Variants in FANCI observed in about 807,000 individuals in gnomAD.
FANCI encodes the protein Fanconi anemia group I protein.
FANCI carries 156 observed loss-of-function variants against 176.1 expected under a neutral mutation model. The observed-to-expected ratio is 0.89, with a 90% CI of 0.78 to 1.01. The LOEUF (loss-of-function observed/expected upper bound fraction) is 1.01. Among genes scored for constraint, FANCI ranks in the 50% least tolerant of loss-of-function variants. The pLI is 0.00. For synonymous variants in FANCI, 613 were observed against 541.7 expected (o/e 1.13, Z -1.83); for missense variants, 1,678 against 1,534.1 (o/e 1.09, Z -1.57).
chr15:89,253,645 A>G (rs2052363723), intron 2 of FANCI, among the ~76,000 whole-genome samples: 1 of 152,194 alleles, frequency 6.6e-6, no homozygotes, highest in African/African-American at 2.4e-5. Context: ...AGAAAAGATA[A>G]GTTTGTCTAC....
intron 17 of FANCI, among the ~76,000 whole-genome samples, chr15:89,284,121 A>G (rs1287584102): frequency 6.6e-6 from 1 of 152,140 alleles, no homozygotes; most frequent in Non-Finnish European, 1.5e-5. Flanking sequence ...CTTTACATTT[A>G]TTATCTCATT....
intron 11 of FANCI, among the ~76,000 whole-genome samples, 157 bp downstream of exon 11, chr15:89,273,626 C>T (rs1478818968): frequency 2.0e-5 from 3 of 151,968 alleles, no homozygotes; most frequent in Non-Finnish European, 2.9e-5. Flanking sequence ...TGTATGTCCC[C>T]TCTGTTCTCT....
chr15:89,264,310 A>G (rs1860379271), intron 8 of FANCI, among the ~76,000 whole-genome samples: 1 of 152,244 alleles, frequency 6.6e-6, no homozygotes, highest in Non-Finnish European at 1.5e-5. Flanking sequence ...CAGAAAGGGT[A>G]GACTATAGGC....
At chr15:89,274,627 CAG>C (rs1250098252) in intron 12 of FANCI, among the ~76,000 whole-genome samples, 13 of 47,378 alleles carry the variant, frequency 2.7e-4, no homozygotes, top group Non-Finnish European at 4.6e-4. Flanking sequence ...TTTTTTGAGA[CAG>C]AGTCTCACTC....
rs1431506004 is a variant in FANCI, at chr15:89,291,600, T to A, written c.1891-13T>A. The A allele has an allele frequency of 6.2e-7, 1 of 1,607,798 alleles. No homozygotes were observed. Among genetic ancestry groups the A allele is most frequent in the East Asian group, 2.2e-5 (1 of 44,776 alleles). On this transcript the variant is annotated splice_polypyrimidine_tract_variant and intron_variant, in intron 19 of 37. Coordinates refer to ENST00000310775, the MANE Select transcript of FANCI (RefSeq NM_001113378.2). ...TATGAGCCAAGATGTCTTTTTTTTC[T>A]TACTATACACAGTTAAAACAGTTCT...
At chr15:89,304,512 G>A (rs181361815) in intron 28 of FANCI, among the ~76,000 whole-genome samples, 3 of 152,374 alleles carry the variant, frequency 2.0e-5, no homozygotes, top group East Asian at 3.9e-4. Context: ...GGCGGGGCAA[G>A]TTAGGAGGGA....
chr15:89,291,397 G>T (rs1177421260), intron 19 of FANCI, among the ~76,000 whole-genome samples: 1 of 152,162 alleles, frequency 6.6e-6, no homozygotes, highest in Non-Finnish European at 1.5e-5. Context: ...GAAGGAATTG[G>T]AATAGGAAAG....
intron 3 of FANCI, 122 bp from the exon 4 acceptor site, chr15:89,260,591 C>A: frequency 1.6e-6 from 2 of 1,285,050 alleles, no homozygotes; most frequent in East Asian, 2.5e-5. Flanking sequence ...TTCTAAGCAC[C>A]GTAGTAATCA....
rs1278569638 is a variant in FANCI, at chr15:89,276,866, C to T, written c.1268C>T (p.Ala423Val). 6.2e-7 allele frequency: 1 copy of T among 1,614,164 alleles called. No individual in the cohort carries two copies. Among genetic ancestry groups the T allele is most frequent in the South Asian group, 1.1e-5 (1 of 91,082 alleles). The change falls in exon 13 of 38, where the codon GCT (alanine) becomes GTT (valine). Residue 423 changes from alanine to valine, a missense_variant. This residue lies in a region of FANCI where 1,204 missense variants were observed against 1,077.4 expected (regional missense o/e 1.12). Coordinates refer to ENST00000310775, the MANE Select transcript of FANCI (RefSeq NM_001113378.2). The stretch of plus-strand genomic sequence containing the variant: ...AACCAGCATGCATGTAAGCTCGGAG[C>T]TAATATCCTGTTGGAAACTTTTAAG... The part of the protein sequence containing the change: ...MPNQHACKLG[A>V]NILLETFKIH...
intron 34 of FANCI, chr15:89,308,122 A>G (rs956033898): frequency 9.1e-7 from 1 of 1,097,218 alleles, no homozygotes; most frequent in African/African-American, 1.6e-5. Flanking sequence ...AAATACCATC[A>G]GATTCCTGCA....
intron 4 of FANCI, 142 bp downstream of exon 4, chr15:89,260,985 G>A (rs1229911248): frequency 9.3e-7 from 1 of 1,080,506 alleles, no homozygotes; most frequent in Non-Finnish European, 1.4e-6. Context: ...AAAGAAGCAG[G>A]CCGGGCATGG....
At chr15:89,304,078 G>C (rs898653803) in intron 28 of FANCI, among the ~76,000 whole-genome samples, 163 bp downstream of exon 28, 3 of 152,234 alleles carry the variant, frequency 2.0e-5, no homozygotes, top group African/African-American at 7.2e-5. Flanking sequence ...AGAATGTAGA[G>C]TAGTTGGACC....
intron 34 of FANCI, chr15:89,307,927 C>T: frequency 7.3e-7 from 1 of 1,360,788 alleles, no homozygotes; most frequent in African/African-American, 1.5e-5. Context: ...AAGGAACAAG[C>T]ATGCTCAGGC....
At chr15:89,271,209 G>T (rs2053187663) in intron 10 of FANCI, among the ~76,000 whole-genome samples, 1 of 151,886 alleles carries the variant, frequency 6.6e-6, no homozygotes, top group South Asian at 2.1e-4. Context: ...GCAATCCAGT[G>T]ATTTTTTTTC....
At chr15:89,264,695 A>G in intron 9 of FANCI, 88 bp downstream of exon 9, 1 of 1,194,290 alleles carries the variant, frequency 8.4e-7, no homozygotes, top group East Asian at 2.6e-5. Context: ...CTTCTCTCTC[A>G]CCGCCTACCT....
chr15:89,289,081 T>G (rs1047572530), intron 18 of FANCI, among the ~76,000 whole-genome samples: 30 of 152,046 alleles, frequency 2.0e-4, no homozygotes, highest in Non-Finnish European at 5.9e-5. Context: ...TATGATAATA[T>G]ATATGAGGAG....
At chr15:89,254,096 C>T (rs1447947978) in intron 2 of FANCI, among the ~76,000 whole-genome samples, 4 of 152,048 alleles carry the variant, frequency 2.6e-5, no homozygotes, top group Admixed American at 6.5e-5. Flanking sequence ...CGGTGGCTCA[C>T]GCCTGTAATC....
intron 10 of FANCI, among the ~76,000 whole-genome samples, chr15:89,268,848 C>G (rs1444623560): frequency 1.3e-5 from 2 of 151,972 alleles, no homozygotes; most frequent in African/African-American, 2.4e-5. Context: ...AAATCTAATT[C>G]TAAGTAGATT....
intron 31 of FANCI, 151 bp from the exon 32 acceptor site, chr15:89,305,856 C>A: frequency 9.5e-7 from 1 of 1,047,384 alleles, no homozygotes; most frequent in Non-Finnish European, 1.5e-6. Context: ...GATCATATGT[C>A]TTATCACAGC....
Sources: allele counts gnomAD v4.1 joint callset (sites outside exome capture counted in the v4.1 genomes callset), GRCh38; gene constraint gnomAD v4.1.1; regional missense constraint gnomAD v4.1.1; transcripts MANE v1.5; gene names NCBI Gene and HGNC (gene_info 2026-07-23, HGNC 2026-07-21).